HHAT: variants seen among roughly 807,000 people sequenced by gnomAD.
HHAT encodes hedgehog acyltransferase.
Under a neutral mutation model 70.8 loss-of-function variants are expected in HHAT, and 47 were observed. That is an observed-to-expected ratio of 0.66 (90% CI 0.53 to 0.85). The LOEUF is 0.85. HHAT is among the 40% of genes least tolerant of loss of function. The pLI is 0.00. For synonymous variants in HHAT, 228 were observed against 247.6 expected (o/e 0.92, Z 0.74); for missense variants, 609 against 604.8 (o/e 1.01, Z -0.07).
chr1:210,378,103 G>A (rs913112867), intron 3 of HHAT, among the ~76,000 whole-genome samples: 1 of 152,226 alleles, frequency 6.6e-6, no homozygotes, highest in African/African-American at 2.4e-5. Flanking sequence ...ATTGCTCAAT[G>A]AATCATTAGC....
chr1:210,412,657 T>G (rs770334393), intron 6 of HHAT, among the ~76,000 whole-genome samples: 3 of 152,242 alleles, frequency 2.0e-5, no homozygotes, highest in African/African-American at 7.2e-5. Flanking sequence ...GGTGGAGGTT[T>G]CACCTCTCAG....
intron 10 of HHAT, among the ~76,000 whole-genome samples, chr1:210,613,963 T>C (rs1667122543): frequency 6.9e-6 from 1 of 144,094 alleles, no homozygotes; most frequent in African/African-American, 2.6e-5. Context: ...TAAGCTGCAG[T>C]GAGTCATGAT....
chr1:210,648,347 G>C (rs970476245), intron 11 of HHAT, among the ~76,000 whole-genome samples: 3 of 152,220 alleles, frequency 2.0e-5, no homozygotes, highest in African/African-American at 4.8e-5. Context: ...CTGCCTCACT[G>C]ATCCTCAGAG....
chr1:210,662,880 G>A (rs1678058685), intron 11 of HHAT, among the ~76,000 whole-genome samples: 1 of 152,064 alleles, frequency 6.6e-6, no homozygotes, highest in South Asian at 2.1e-4. Flanking sequence ...GAAATTGACT[G>A]TGAACAGTGT....
intron 11 of HHAT, among the ~76,000 whole-genome samples, chr1:210,655,467 G>GT (rs1676191596): frequency 6.6e-6 from 1 of 152,180 alleles, no homozygotes; most frequent in African/African-American, 2.4e-5. Flanking sequence ...GCAAAGTGTA[G>GT]GAAATTTAGG....
At chr1:210,513,994 T>C (rs1265422300) in intron 9 of HHAT, among the ~76,000 whole-genome samples, 1 of 152,232 alleles carries the variant, frequency 6.6e-6, no homozygotes, top group Non-Finnish European at 1.5e-5. Context: ...ACTAATAGCC[T>C]GATAATGAAC....
chr1:210,480,790 G>C (rs2094384429), intron 8 of HHAT, among the ~76,000 whole-genome samples: 1 of 152,186 alleles, frequency 6.6e-6, no homozygotes, highest in Non-Finnish European at 1.5e-5. Flanking sequence ...CCCTCCAGGA[G>C]AGCATTCCCA....
At chr1:210,539,501 T>C (rs2095407456) in intron 9 of HHAT, among the ~76,000 whole-genome samples, 1 of 152,154 alleles carries the variant, frequency 6.6e-6, no homozygotes, top group Non-Finnish European at 1.5e-5. Flanking sequence ...TGGCCATCCC[T>C]CAGAAGTAAC....
chr1:210,591,143 C>T (rs1558229915), intron 10 of HHAT, among the ~76,000 whole-genome samples: 1 of 152,062 alleles, frequency 6.6e-6, no homozygotes, highest in Admixed American at 6.6e-5. Context: ...TGTTGTGCTA[C>T]CAAATACTAC....
chr1:210,641,403 C>A (rs1672946785), intron 11 of HHAT, among the ~76,000 whole-genome samples: 1 of 152,150 alleles, frequency 6.6e-6, no homozygotes, highest in South Asian at 2.1e-4. Context: ...GTAACCAATA[C>A]CCTGTTATCT....
intron 6 of HHAT, among the ~76,000 whole-genome samples, chr1:210,416,990 CT>C (rs1270250126): frequency 2.0e-5 from 3 of 152,160 alleles, no homozygotes; most frequent in African/African-American, 4.8e-5. Flanking sequence ...GAATTTGATC[CT>C]GATCCTCTGA....
intron 11 of HHAT, among the ~76,000 whole-genome samples, chr1:210,657,237 A>G (rs1676639626): frequency 6.6e-6 from 1 of 152,186 alleles, no homozygotes; most frequent in Admixed American, 6.5e-5. Flanking sequence ...GGACCAGGGG[A>G]GACAGTGGGG....
chr1:210,358,043 A>G (rs1006731511), intron 2 of HHAT, among the ~76,000 whole-genome samples: 3 of 152,164 alleles, frequency 2.0e-5, no homozygotes, highest in African/African-American at 7.2e-5. Flanking sequence ...TGCTTTCTTA[A>G]GACTTCTAAT....
At chr1:210,493,811 C>A (rs1305543850) in intron 8 of HHAT, among the ~76,000 whole-genome samples, 2 of 152,148 alleles carry the variant, frequency 1.3e-5, no homozygotes, top group African/African-American at 2.4e-5. Context: ...TTTTCTGGTT[C>A]ATTACTTACC....
At chr1:210,651,660 G>C (rs1389176930) in intron 11 of HHAT, among the ~76,000 whole-genome samples, 1 of 152,212 alleles carries the variant, frequency 6.6e-6, no homozygotes, top group Non-Finnish European at 1.5e-5. Flanking sequence ...CTGCCTTCTA[G>C]GGCTGGAGGG....
At chr1:210,541,150 T>G in intron 9 of HHAT, among the ~76,000 whole-genome samples, 1 of 151,632 alleles carries the variant, frequency 6.6e-6, no homozygotes, top group East Asian at 1.9e-4. Flanking sequence ...CAAGTATTGC[T>G]TTTTAAATGA....
intron 6 of HHAT, among the ~76,000 whole-genome samples, chr1:210,416,251 G>C (rs548755933): frequency 6.6e-6 from 1 of 152,320 alleles, no homozygotes; most frequent in South Asian, 2.1e-4. Context: ...TGATGGAGGA[G>C]AGAGAAGCTA....
chr1:210,652,718 A>G (rs12759573), intron 11 of HHAT, among the ~76,000 whole-genome samples: 88,036 of 152,078 alleles, frequency 0.58, 27,331 homozygotes, highest in Non-Finnish European at 0.69. Context: ...GGGAAAGGGT[A>G]CAGAGAGTTC....
intron 4 of HHAT, among the ~76,000 whole-genome samples, chr1:210,396,977 A>G (rs1394755714): frequency 2.0e-5 from 3 of 152,238 alleles, no homozygotes; most frequent in Non-Finnish European, 4.4e-5. Context: ...ACCATGGTAG[A>G]TACCAAACCT....
Sources: gnomAD v4.1 joint callset for allele counts (sites outside exome capture counted in the v4.1 genomes callset) on GRCh38, gnomAD v4.1.1 for gene constraint, MANE v1.5 for transcripts, NCBI Gene and HGNC (gene_info 2026-07-23, HGNC 2026-07-21) for gene names.